The following USP30 variants were observed in gnomAD, a reference collection of about 807,000 sequenced individuals.
The protein encoded by USP30 is ubiquitin specific peptidase 30.
In USP30, 41 loss-of-function variants were observed where a neutral mutation model predicts 68.2. The observed-to-expected ratio is 0.60, with a 90% confidence interval of 0.47 to 0.78. USP30 has a LOEUF of 0.78. USP30 is among the 30% of genes least tolerant of loss of function. USP30 has a pLI of 0.00. For synonymous variants in USP30, 229 were observed against 253.7 expected (o/e 0.90, Z 0.93); for missense variants, 522 against 649.4 (o/e 0.80, Z 2.13).
At chr12:109,072,190 T>G (rs2041463822) in intron 5 of USP30, 115 bp from the exon 6 acceptor site, 2 of 871,898 alleles carry the variant, frequency 2.3e-6, no homozygotes, top group East Asian at 5.1e-5. Context: ...TGTTAAAAGT[T>G]GATTTTTAGT....
rs550818746 is a variant in USP30, at chr12:109,052,641, A to G, written c.-38A>G. Reference sequence around the variant, plus strand: ...TCGGTCCGGCGGCGGCGGCGGCGGTAGCGGAGGAGACGGTTTCAGGCCTCC... The same window carrying G: ...TCGGTCCGGCGGCGGCGGCGGCGGTGGCGGAGGAGACGGTTTCAGGCCTCC... On this transcript the variant is annotated 5_prime_UTR_variant, in exon 1 of 13. Transcript: ENST00000257548. The G allele has an allele frequency of 8.5e-5, 97 of 1,140,762 alleles. No individual in the cohort carries two copies. The South Asian group carries it at 1.2e-3, about 14-fold the overall frequency. 70.7% of individuals were successfully genotyped at this position (1,140,762 alleles called of 1,614,324 possible). A position where few individuals can be genotyped will look rare whatever the true frequency, so the allele number is the denominator to read the frequency against.
intron 3 of USP30, among the ~76,000 whole-genome samples, chr12:109,040,652 G>A (rs1038830203): frequency 4.6e-5 from 7 of 152,144 alleles, no homozygotes; most frequent in Admixed American, 2.0e-4. Context: ...TTTCAAGATG[G>A]TGCACTCACG....
In USP30 at chr12:109,054,074, T is replaced by C. The variant is rs1038587636; in HGVS notation, c.83+1313T>C. The C allele has an allele frequency of 7.2e-5, 33 of 455,864 alleles. No individual in the cohort carries two copies. In the Admixed American group the frequency reaches 7.5e-4, roughly 10 times the overall value. The allele number at this position is 455,864 out of a possible 1,614,324, so 28.2% of individuals were successfully genotyped here. On this transcript the variant is annotated intron_variant, in intron 1 of 12. Coordinates refer to ENST00000257548, the MANE Select transcript of USP30 (RefSeq NM_032663.5). ...TTGTCACAGGGCCTGGCAGAGAGTA[T>C]GTACCCTTAAATATTAGTGTTTGAT...
chr12:109,034,955 G>A (rs2040508476), intron 3 of USP30, among the ~76,000 whole-genome samples: 1 of 152,052 alleles, frequency 6.6e-6, no homozygotes, highest in Admixed American at 6.5e-5. Context: ...GCTTTTGGTT[G>A]CTGTTTGAAT....
Position 109,059,335 on chromosome 12 carries a change from C to G in USP30, c.376+1227C>G, listed in dbSNP as rs192588414. Among the ~76,000 whole-genome samples the G allele has an allele frequency of 1.7e-3, 257 of 152,084 alleles. 4 individuals are homozygous for G. The highest frequency in any genetic ancestry group is 6.0e-3 in the African/African-American group (249 of 41,478). On this transcript the variant is annotated intron_variant, in intron 3 of 12. Transcript: ENST00000257548. Reference sequence around the variant, plus strand: ...TCAGCCTCCTGAGTAGCTGGGATGACAGGTCTGTGCCACCACACCCAGCTA... The same window carrying G: ...TCAGCCTCCTGAGTAGCTGGGATGAGAGGTCTGTGCCACCACACCCAGCTA...
intron 3 of USP30, among the ~76,000 whole-genome samples, chr12:109,042,505 C>T (rs1444749833): frequency 6.6e-6 from 1 of 152,118 alleles, no homozygotes; most frequent in Non-Finnish European, 1.5e-5. Context: ...ATCTGAGCAC[C>T]TTTCCTAACA....
chr12:109,065,623 G>A (rs1174964596), intron 3 of USP30, among the ~76,000 whole-genome samples: 1 of 152,120 alleles, frequency 6.6e-6, no homozygotes, highest in Non-Finnish European at 1.5e-5. Context: ...GATTTGATTG[G>A]CTACTATGGA....
chr12:109,061,580 T>A (rs921399765), intron 3 of USP30, among the ~76,000 whole-genome samples: 1 of 151,838 alleles, frequency 6.6e-6, no homozygotes, highest in Non-Finnish European at 1.5e-5. Flanking sequence ...GGCTAATTTT[T>A]TGTATTTTGA....
In USP30 at chr12:109,085,995, CTG is replaced by C; in HGVS notation, c.*66_*67del. 6.5e-7 allele frequency: 1 copy of C among 1,545,028 alleles called. No homozygotes were observed. The highest frequency in any genetic ancestry group is 8.7e-7 in the Non-Finnish European group (1 of 1,143,050). Reference sequence around the variant, plus strand: ...TGCACTGTCCAGGAAAAAAGTAAAACTGTACTGTTGCGTGTGCAAGCGGCCCC... The same window carrying C: ...TGCACTGTCCAGGAAAAAAGTAAAACTACTGTTGCGTGTGCAAGCGGCCCC... On this transcript the variant is annotated 3_prime_UTR_variant, in exon 13 of 13. Coordinates refer to ENST00000257548, the MANE Select transcript of USP30 (RefSeq NM_032663.5).
intron 3 of USP30, among the ~76,000 whole-genome samples, chr12:109,031,721 CATT>C (rs1416364689): frequency 6.6e-6 from 1 of 152,138 alleles, no homozygotes; most frequent in African/African-American, 2.4e-5. Flanking sequence ...GGCTTGAAAA[CATT>C]ATGCTTAGTG....
chr12:109,081,942 T>C lies in USP30; in HGVS notation c.790T>C (p.Leu264=), dbSNP rs763711765. ...SIPAATWGHP[L]TLDHCLHHFI... ...TCTTCTCATGCTGTAGGGTCACCCATTGACCCTGGACCACTGCCTTCACCA... is the reference window on the plus strand; with the variant it reads ...TCTTCTCATGCTGTAGGGTCACCCACTGACCCTGGACCACTGCCTTCACCA... The change falls in exon 9 of 13, where the codon TTG becomes CTG. Residue 264 remains leucine, a synonymous_variant. Coordinates refer to ENST00000257548, the MANE Select transcript of USP30 (RefSeq NM_032663.5). 20 of 1,614,062 alleles carry C rather than the reference T, an allele frequency of 1.2e-5. No homozygotes were observed. Among genetic ancestry groups the C allele is most frequent in the Non-Finnish European group, 1.5e-5 (18 of 1,179,868 alleles).
chr12:109,062,744 T>C (rs977898482), intron 3 of USP30, among the ~76,000 whole-genome samples: 15 of 152,184 alleles, frequency 9.9e-5, no homozygotes, highest in African/African-American at 3.6e-4. Flanking sequence ...AAATTTACCA[T>C]TTTCAGCATA....
chr12:109,081,127 AG>A (rs1397777719), intron 7 of USP30, among the ~76,000 whole-genome samples: 2 of 152,192 alleles, frequency 1.3e-5, no homozygotes, highest in African/African-American at 2.4e-5. Flanking sequence ...AGTTGTTCCA[AG>A]CGATTCTTTA....
intron 3 of USP30, among the ~76,000 whole-genome samples, chr12:109,032,657 G>A (rs1252044689): frequency 6.6e-6 from 1 of 152,212 alleles, no homozygotes; most frequent in African/African-American, 2.4e-5. Context: ...GGTTGTGGAG[G>A]GGGAAATGGA....
chr12:109,085,289 G>A (rs1386225576), intron 12 of USP30, among the ~76,000 whole-genome samples: 1 of 152,130 alleles, frequency 6.6e-6, no homozygotes, highest in East Asian at 1.9e-4. Flanking sequence ...ATATGCATAT[G>A]TATGTGTGTA....
intron 3 of USP30, among the ~76,000 whole-genome samples, chr12:109,043,757 C>T (rs752667007): frequency 4.1e-4 from 63 of 152,074 alleles, no homozygotes; most frequent in Non-Finnish European, 8.4e-4. Flanking sequence ...AACTTTTGCG[C>T]ATCAAAAGAC....
chr12:109,079,339 C>CTTTTTTTTTTTTTTTATTTTTTTTTTT (rs750712233), intron 7 of USP30, among the ~76,000 whole-genome samples: 1 of 62,250 alleles, frequency 1.6e-5, no homozygotes, highest in Non-Finnish European at 2.8e-5. Flanking sequence ...TTTTCTTTTT[C>CTTTTTTTTTTTTTTTATTTTTTTTTTT]TTTTTTTTTT....
chr12:109,047,619 A>C (rs534164049), upstream of USP30: 6 of 152,360 alleles, frequency 3.9e-5, no homozygotes, highest in East Asian at 1.2e-3. Context: ...CGCTGAGGAC[A>C]AAAGGAAGCA....
chr12:109,049,686 G>GTGCCTGTAAT (rs2040641469), upstream of USP30, among the ~76,000 whole-genome samples: 1 of 152,082 alleles, frequency 6.6e-6, no homozygotes, highest in African/African-American at 2.4e-5. Context: ...ATGGTGGCGC[G>GTGCCTGTAAT]TGCCTGTAAT....
Sources: allele counts gnomAD v4.1 joint callset (sites outside exome capture counted in the v4.1 genomes callset), GRCh38; gene constraint gnomAD v4.1.1; transcripts MANE v1.5; gene names NCBI Gene and HGNC (gene_info 2026-07-23, HGNC 2026-07-21).